The following UBN1 variants were observed in gnomAD, a reference collection of about 807,000 sequenced individuals.
UBN1 encodes the protein ubinuclein-1.
In UBN1, 17 loss-of-function variants were observed where a neutral mutation model predicts 108.5. The ratio of observed to expected loss-of-function variants is 0.16; its 90% CI spans 0.11 to 0.24. The LOEUF (loss-of-function observed/expected upper bound fraction) is 0.24, where lower values mean the gene tolerates loss of function less well. UBN1 is among the 10% of genes least tolerant of loss of function. The pLI is 1.00. For missense variants in UBN1, 1,595 were observed against 1,394.4 expected (o/e 1.14, Z -2.29); for synonymous variants, 726 against 564.2 (o/e 1.29, Z -4.07).
intron 2 of UBN1, among the ~76,000 whole-genome samples, chr16:4,853,698 A>G (rs1432282388): frequency 1.3e-5 from 2 of 151,292 alleles, no homozygotes; most frequent in Non-Finnish European, 1.5e-5. Context: ...CCTGGGACTG[A>G]CTACAGGTGC....
intron 5 of UBN1, 123 bp downstream of exon 5, chr16:4,859,282 C>A: frequency 4.3e-6 from 6 of 1,380,568 alleles, no homozygotes; most frequent in Non-Finnish European, 3.9e-6. Flanking sequence ...AAAGGCAGAG[C>A]CGTGCCAGGT....
At chr16:4,854,926 G>A (rs1373562732) in intron 2 of UBN1, among the ~76,000 whole-genome samples, 1 of 151,976 alleles carries the variant, frequency 6.6e-6, no homozygotes, top group African/African-American at 2.4e-5. Context: ...GTTCCACCGT[G>A]TTAGCCAGGA....
intron 17 of UBN1, among the ~76,000 whole-genome samples, chr16:4,878,836 C>A (rs750482042): frequency 6.6e-6 from 1 of 152,164 alleles, no homozygotes; most frequent in East Asian, 1.9e-4. Context: ...CATGGCAAGA[C>A]CCTATCTCTA....
intron 2 of UBN1, among the ~76,000 whole-genome samples, chr16:4,854,738 T>A (rs539388189): frequency 6.6e-6 from 1 of 151,742 alleles, no homozygotes; most frequent in Non-Finnish European, 1.5e-5. Flanking sequence ...TGTTTTTTTT[T>A]TTGAGACAGA....
At chr16:4,878,574 T>A (rs2087985123) in intron 17 of UBN1, among the ~76,000 whole-genome samples, 1 of 152,202 alleles carries the variant, frequency 6.6e-6, no homozygotes. Flanking sequence ...TAGTGACTCC[T>A]CCTTTCCTTG....
At position 4,859,154 on chromosome 16, in the gene UBN1, C is replaced by G. The variant is rs935229496; in HGVS notation, c.562C>G (p.Pro188Ala). ...CATTAAAGAAAAGAAGAAAAAATCTCCAAAGGTTAGAATGTGCTTGCTTTT... is the reference window on the plus strand; with the variant it reads ...CATTAAAGAAAAGAAGAAAAAATCTGCAAAGGTTAGAATGTGCTTGCTTTT... ...DFIKEKKKKS[P>A]KKRKLKEGGE... Residue 188 changes from proline to alanine, a missense_variant, in exon 5 of 18, where the codon CCA becomes GCA. Physicochemically the swap from Pro to Ala is conservative, Grantham distance 27. This residue lies in a region of UBN1 where 1,398 missense variants were observed against 1,194.7 expected (regional missense o/e 1.17). Transcript: ENST00000262376. The G allele has an allele frequency of 6.2e-7, 1 of 1,613,050 alleles. No individual in the cohort carries two copies. Among genetic ancestry groups the G allele is most frequent in the African/African-American group, 1.3e-5 (1 of 74,788 alleles).
intron 17 of UBN1, among the ~76,000 whole-genome samples, chr16:4,879,228 C>G (rs2088005718): frequency 6.6e-6 from 1 of 152,186 alleles, no homozygotes; most frequent in African/African-American, 2.4e-5. Flanking sequence ...CGTGACACTA[C>G]ACATTTTAGA....
At chr16:4,880,051 C>G (rs776346433) in intron 17 of UBN1, 32 bp from the exon 18 acceptor site, 1 of 1,612,966 alleles carries the variant, frequency 6.2e-7, no homozygotes, top group Non-Finnish European at 8.5e-7. Flanking sequence ...GCATGAAAAA[C>G]TTGCGTTCTA....
In UBN1 at chr16:4,877,253, A is replaced by G; in HGVS notation, c.3266-132A>G. The G allele has an allele frequency of 6.6e-7, 1 of 1,511,202 alleles. No individual in the cohort carries two copies. 93.6% of individuals were successfully genotyped at this position (1,511,202 alleles called of 1,614,324 possible). A position where few individuals can be genotyped will look rare whatever the true frequency, so the allele number is the denominator to read the frequency against. On this transcript the variant is annotated intron_variant, in intron 16 of 17. Transcript: ENST00000262376. This position sits in a 1 kb window ranked among gnomAD's most constrained non-coding sequence, Gnocchi z 4.3. The stretch of plus-strand genomic sequence containing the variant: ...TCTCCGGGAACTGTGCCAAGCCCCC[A>G]CTGCCCCTTTGGGTGTGGTGCCCAG...
At position 4,868,908 on chromosome 16, in the gene UBN1, G is replaced by A; in HGVS notation, c.1181+5G>A. ...TATTAATGGAATCCTATTAGAGTGA[G>A]TATCGTCTGTCTGTCTGTCTGTCTG... is the stretch of plus-strand genomic sequence containing the variant. On this transcript the variant is annotated splice_donor_5th_base_variant and intron_variant, in intron 8 of 17. Coordinates refer to ENST00000262376, the MANE Select transcript of UBN1 (RefSeq NM_001079514.3). The A allele has an allele frequency of 6.2e-7, 1 of 1,613,498 alleles. No individual in the cohort carries two copies. The highest frequency in any genetic ancestry group is 8.5e-7 in the Non-Finnish European group (1 of 1,179,582).
At chr16:4,862,682 C>T (rs376974135) in intron 7 of UBN1, among the ~76,000 whole-genome samples, 4 of 152,250 alleles carry the variant, frequency 2.6e-5, no homozygotes, top group African/African-American at 9.6e-5. Flanking sequence ...GCTGTGTCCC[C>T]ACTCGTGCCA....
Position 4,859,949 on chromosome 16 carries a change from T to A in UBN1, c.652T>A (p.Ser218Thr), listed in dbSNP as rs1374562193. Reference sequence around the variant, plus strand: ...TGACAAGGAGAAGAAATCGAAAAAGTCCAAGTTTTCCAAAGCCGGGTGAGA... The same window carrying A: ...TGACAAGGAGAAGAAATCGAAAAAGACCAAGTTTTCCAAAGCCGGGTGAGA... The part of the protein sequence containing the change: ...TYDKEKKSKK[S>T]KFSKAGFTAL... The change falls in exon 6 of 18, where the codon TCC becomes ACC. Residue 218 changes from serine (S) to threonine (T), a missense_variant. Ser to Thr is a moderately conservative substitution (Grantham distance 58). Around this residue, in one of 3 missense-constraint regions of UBN1, gnomAD observed 1,398 missense variants for 1,194.7 expected, o/e 1.17. Transcript: ENST00000262376. 1 of 1,614,016 alleles carries A rather than the reference T, an allele frequency of 6.2e-7. No homozygotes were observed. Among genetic ancestry groups the A allele is most frequent in the Admixed American group, 1.7e-5 (1 of 60,018 alleles).
At chr16:4,854,510 ATTT>A (rs56951085) in intron 2 of UBN1, among the ~76,000 whole-genome samples, 8 of 131,416 alleles carry the variant, frequency 6.1e-5, no homozygotes, top group Admixed American at 2.3e-4. Context: ...CGCCTGGCTA[ATTT>A]TTTTTTTTTT....
chr16:4,857,382 G>C (rs79065691), intron 2 of UBN1, among the ~76,000 whole-genome samples: 1 of 148,938 alleles, frequency 6.7e-6, no homozygotes, highest in African/African-American at 2.5e-5. Context: ...TTTTTTTTTG[G>C]ATTCCTTGCT....
At chr16:4,858,423 G>A in intron 3 of UBN1, 145 bp from the exon 4 acceptor site, 1 of 688,568 alleles carries the variant, frequency 1.5e-6, no homozygotes. Context: ...CAGGAAAGGA[G>A]GTTTTGGGGT....
rs778381793 is a variant in UBN1 at position 4,870,350 on chromosome 16, C to A, written c.1311+9C>A. On this transcript the variant is annotated intron_variant, in intron 9 of 17. Coordinates refer to ENST00000262376, the MANE Select transcript of UBN1 (RefSeq NM_001079514.3). ...TTCACCTCTATGAACAGGTGGGTGACTCTAGAGTGAAGCCCTTTGGCTTTG... is the reference window on the plus strand; with the variant it reads ...TTCACCTCTATGAACAGGTGGGTGAATCTAGAGTGAAGCCCTTTGGCTTTG... 2 of 1,613,856 alleles carry A rather than the reference C, an allele frequency of 1.2e-6. No homozygotes were observed. The highest frequency in any genetic ancestry group is 2.2e-5 in the East Asian group (1 of 44,858).
rs144722398 is a variant in UBN1 at position 4,847,970 on chromosome 16, C to A, written c.-280C>A. 0.018 allele frequency: 2,824 copies of A among 152,996 alleles called. 44 individuals are homozygous for A. Among genetic ancestry groups the A allele is most frequent in the Non-Finnish European group, 0.029 (1,980 of 68,616 alleles). The allele number at this position is 152,996 out of a possible 1,614,324, so 9.5% of individuals were successfully genotyped here. On this transcript the variant is annotated 5_prime_UTR_variant, in exon 1 of 18. Transcript: ENST00000262376. ...GGCTGCTCCCCCGACCCCCTGGTGT[C>A]CCCGGAGTGGCTGCGCGGACGTCGA...
chr16:4,873,194 G>A (rs2087726449), intron 14 of UBN1, 121 bp downstream of exon 14: 4 of 1,397,740 alleles, frequency 2.9e-6, no homozygotes, highest in Non-Finnish European at 4.0e-6. Flanking sequence ...CAGCTGCTCA[G>A]GATGACATTC....
At chr16:4,862,475 A>G (rs1236068384) in intron 7 of UBN1, among the ~76,000 whole-genome samples, 1 of 152,228 alleles carries the variant, frequency 6.6e-6, no homozygotes, top group Non-Finnish European at 1.5e-5. Context: ...AAGTAGCTGA[A>G]TCTGAACTTG....
Sources: gnomAD v4.1 joint callset for allele counts (sites outside exome capture counted in the v4.1 genomes callset) on GRCh38, gnomAD v4.1.1 for gene constraint, gnomAD v4.1.1 regional missense constraint, Gnocchi (gnomAD v3.1) non-coding constraint, MANE v1.5 for transcripts, NCBI Gene and HGNC (gene_info 2026-07-23, HGNC 2026-07-21) for gene names.